Variants in GRM7 observed in about 807,000 individuals in gnomAD.
GRM7 encodes the protein glutamate metabotropic receptor 7, also known as metabotropic glutamate receptor 7.
Under a neutral mutation model 84.5 loss-of-function variants are expected in GRM7, and 35 were observed. The ratio of observed to expected loss-of-function variants is 0.41; its 90% CI spans 0.32 to 0.55. The LOEUF (loss-of-function observed/expected upper bound fraction) is 0.55. Among genes scored for constraint, GRM7 ranks in the 20% least tolerant of loss-of-function variants. The pLI is 0.19. For synonymous variants in GRM7, 487 were observed against 455.1 expected (o/e 1.07, Z -0.89); for missense variants, 1,003 against 1,194.6 (o/e 0.84, Z 2.36).
At chr3:6,888,663 C>G (rs1049885813) in intron 1 of GRM7, among the ~76,000 whole-genome samples, 14 of 152,064 alleles carry the variant, frequency 9.2e-5, no homozygotes, top group African/African-American at 3.4e-4. Context: ...AGTCAGGTAG[C>G]ATGATGCCTC....
chr3:7,174,025 G>C (rs1375434108), intron 2 of GRM7, among the ~76,000 whole-genome samples: 5 of 152,170 alleles, frequency 3.3e-5, no homozygotes, highest in African/African-American at 1.2e-4. Flanking sequence ...CACAGTAAGA[G>C]AGATATTTCT....
chr3:7,068,363 G>A (rs960603094), intron 1 of GRM7, among the ~76,000 whole-genome samples: 1 of 151,962 alleles, frequency 6.6e-6, no homozygotes, highest in East Asian at 1.9e-4. Context: ...GAATCACATC[G>A]ATTTAAACAC....
chr3:6,932,064 A>G (rs1170245701), intron 1 of GRM7, among the ~76,000 whole-genome samples: 2 of 152,216 alleles, frequency 1.3e-5, no homozygotes, highest in East Asian at 3.9e-4. Flanking sequence ...GTAAGACTTA[A>G]AAATAAACCT....
At chr3:6,994,265 T>C (rs1346852419) in intron 1 of GRM7, among the ~76,000 whole-genome samples, 2 of 152,110 alleles carry the variant, frequency 1.3e-5, no homozygotes, top group Non-Finnish European at 2.9e-5. Flanking sequence ...ACTTTGATGG[T>C]GAAGGAGCAA....
chr3:7,648,530 C>G (rs11916384), intron 8 of GRM7, among the ~76,000 whole-genome samples: 1 of 151,570 alleles, frequency 6.6e-6, no homozygotes, highest in South Asian at 2.1e-4. Context: ...GTGCCTGTAA[C>G]CCTAGCTACT....
At chr3:7,240,183 G>A (rs1575069855) in intron 2 of GRM7, among the ~76,000 whole-genome samples, 1 of 117,804 alleles carries the variant, frequency 8.5e-6, no homozygotes, top group African/African-American at 3.2e-5. Flanking sequence ...CAATCTGATG[G>A]AGAAAGCAGC....
intron 8 of GRM7, among the ~76,000 whole-genome samples, chr3:7,610,802 G>T (rs1696815934): frequency 6.6e-6 from 1 of 152,108 alleles, no homozygotes; most frequent in Middle Eastern, 3.2e-3. Flanking sequence ...TTTAGTTTTG[G>T]TTTTCCCGTA....
At chr3:7,591,644 A>G (rs1278449821) in intron 8 of GRM7, among the ~76,000 whole-genome samples, 4 of 152,192 alleles carry the variant, frequency 2.6e-5, no homozygotes, top group Non-Finnish European at 1.5e-5. Flanking sequence ...GAACTTCTAC[A>G]TAATATAGTA....
intron 9 of GRM7, chr3:7,681,179 A>G (rs1482271971): frequency 1.3e-5 from 2 of 152,230 alleles, no homozygotes; most frequent in Non-Finnish European, 2.9e-5. Flanking sequence ...GGCTAGTTGC[A>G]TTTAGAATGA....
chr3:7,409,522 T>C (rs1695824111), intron 4 of GRM7, among the ~76,000 whole-genome samples: 1 of 152,140 alleles, frequency 6.6e-6, no homozygotes, highest in South Asian at 2.1e-4. Flanking sequence ...AGATGGATGA[T>C]CTCTCTGTGT....
chr3:7,576,518 G>A (rs773402167), intron 7 of GRM7, among the ~76,000 whole-genome samples: 5 of 152,242 alleles, frequency 3.3e-5, no homozygotes, highest in Admixed American at 1.3e-4. Flanking sequence ...ACATTCAAGC[G>A]TTGATGAAAG....
chr3:6,938,911 A>C (rs1209265178), intron 1 of GRM7, among the ~76,000 whole-genome samples: 1 of 152,238 alleles, frequency 6.6e-6, no homozygotes, highest in Non-Finnish European at 1.5e-5. Context: ...TTATTATAAA[A>C]TGCCTGTTAA....
intron 1 of GRM7, among the ~76,000 whole-genome samples, chr3:7,036,202 GGA>G (rs1002861936): frequency 3.3e-5 from 5 of 152,142 alleles, no homozygotes; most frequent in African/African-American, 1.2e-4. Context: ...ATTCTATAAA[GGA>G]GAGAGAAAAG....
intron 1 of GRM7, among the ~76,000 whole-genome samples, chr3:6,963,247 C>T (rs1183360998): frequency 1.3e-5 from 2 of 152,116 alleles, no homozygotes; most frequent in Non-Finnish European, 2.9e-5. Context: ...GTGGAAAACT[C>T]AGAAGTTTTA....
intron 4 of GRM7, among the ~76,000 whole-genome samples, chr3:7,363,102 C>CTAT (rs1413736057): frequency 6.6e-6 from 1 of 151,548 alleles, no homozygotes; most frequent in Non-Finnish European, 1.5e-5. Context: ...TCAACCTGGG[C>CTAT]TATAGAGTAA....
chr3:7,352,236 A>C (rs1693193696), intron 4 of GRM7, among the ~76,000 whole-genome samples: 1 of 152,102 alleles, frequency 6.6e-6, no homozygotes, highest in Non-Finnish European at 1.5e-5. Context: ...AGTTCATGTT[A>C]TGAACTCTTT....
intron 4 of GRM7, among the ~76,000 whole-genome samples, chr3:7,330,773 G>T (rs1339247703): frequency 2.0e-5 from 3 of 152,118 alleles, no homozygotes; most frequent in Non-Finnish European, 4.4e-5. Flanking sequence ...CCCAGTCTTG[G>T]GTGTGTCTTT....
At chr3:7,243,698 A>C (rs1697648685) in intron 2 of GRM7, among the ~76,000 whole-genome samples, 2 of 152,026 alleles carry the variant, frequency 1.3e-5, no homozygotes, top group South Asian at 4.1e-4. Flanking sequence ...TAATGACAGG[A>C]ATACATTCAT....
At chr3:7,564,725 A>T (rs534085425) in intron 7 of GRM7, among the ~76,000 whole-genome samples, 88 of 152,308 alleles carry the variant, frequency 5.8e-4, no homozygotes, top group Non-Finnish European at 9.7e-4. Flanking sequence ...TACACGTGTC[A>T]TCTTATTTAG....
Sources: allele counts gnomAD v4.1 joint callset (sites outside exome capture counted in the v4.1 genomes callset), GRCh38; gene constraint gnomAD v4.1.1; transcripts MANE v1.5; gene names NCBI Gene and HGNC (gene_info 2026-07-23, HGNC 2026-07-21).